FAM227A: variants seen among roughly 807,000 people sequenced by gnomAD.
FAM227A encodes the protein family with sequence similarity 227 member A, also known as protein FAM227A.
A neutral mutation model predicts 74.7 loss-of-function variants in FAM227A; 80 were observed. The observed-to-expected ratio is 1.07, with a 90% CI of 0.89 to 1.29. The LOEUF is 1.29. Ranked by LOEUF, FAM227A falls within the 50% of genes most tolerant of loss-of-function variation. The pLI is 0.00. For missense variants in FAM227A, 654 were observed against 683.4 expected (o/e 0.96, Z 0.48); for synonymous variants, 237 against 241.8 (o/e 0.98, Z 0.19).
chr22:38,645,992 C>G (rs2092229021), intron 2 of FAM227A, among the ~76,000 whole-genome samples: 1 of 151,922 alleles, frequency 6.6e-6, no homozygotes, highest in South Asian at 2.1e-4. Flanking sequence ...GCCATGTTTC[C>G]CAGGCTGATC....
In FAM227A at chr22:38,581,789, G is replaced by C. The variant is rs931323027; in HGVS notation, c.*4336C>G. The C allele has an allele frequency of 6.7e-6, 1 of 149,770 alleles. No individual in the cohort carries two copies. The highest frequency in any genetic ancestry group is 2.5e-5 in the African/African-American group (1 of 40,140). The allele number at this position is 149,770 out of a possible 1,614,324, so 9.3% of individuals were successfully genotyped here. A position where few individuals can be genotyped will look rare whatever the true frequency, so the allele number is the denominator to read the frequency against. On this transcript the variant is annotated 3_prime_UTR_variant, in exon 17 of 17. Coordinates refer to ENST00000535113, the MANE Select transcript of FAM227A (RefSeq NM_001013647.2). ...GACACAGTCTTGCTCTATCATCCAG[G>C]CTGAGTCTAGTAGCACAATCACAGC... is the stretch of plus-strand genomic sequence containing the variant.
At chr22:38,594,891 G>A (rs1357623181) in intron 15 of FAM227A, among the ~76,000 whole-genome samples, 1 of 152,144 alleles carries the variant, frequency 6.6e-6, no homozygotes, top group African/African-American at 2.4e-5. Flanking sequence ...GAGGTCAGGG[G>A]ATCGAGACCA....
In FAM227A at chr22:38,580,215, C is replaced by T. The variant is rs957375160; in HGVS notation, c.*5910G>A. On this transcript the variant is annotated 3_prime_UTR_variant, in exon 17 of 17. Coordinates refer to ENST00000535113, the MANE Select transcript of FAM227A (RefSeq NM_001013647.2). ...GATTACAGGCATGGGCCACCATGCT[C>T]GGCAACCGATGTCCTCTTTTAAGTC... 61 of 152,178 alleles carry T rather than the reference C, an allele frequency of 4.0e-4. No homozygotes were observed. The highest frequency in any genetic ancestry group is 1.4e-3 in the African/African-American group (59 of 41,422). The allele number at this position is 152,178 out of a possible 1,614,324, so 9.4% of individuals were successfully genotyped here.
chr22:38,586,322 C>T lies in FAM227A; in HGVS notation c.1639-123G>A, dbSNP rs548326826. The T allele has an allele frequency of 3.0e-5, 32 of 1,059,854 alleles. No homozygotes were observed. The African/African-American group carries it at 4.2e-4, about 14-fold the overall frequency. 65.7% of individuals were successfully genotyped at this position (1,059,854 alleles called of 1,614,324 possible). ...CCTTGTGTGCATGGAATATTGAGGG[C>T]GTGCTCCTGCCTCCAGAGAAAGTGG... On this transcript the variant is annotated intron_variant, in intron 16 of 16. Coordinates refer to ENST00000535113, the MANE Select transcript of FAM227A (RefSeq NM_001013647.2).
intron 15 of FAM227A, among the ~76,000 whole-genome samples, chr22:38,592,206 C>T (rs2090954278): frequency 6.6e-6 from 1 of 152,188 alleles, no homozygotes; most frequent in African/African-American, 2.4e-5. Context: ...CTCGGCCTCC[C>T]CAAGTGCTGG....
intron 9 of FAM227A, among the ~76,000 whole-genome samples, 193 bp from the exon 10 acceptor site, chr22:38,623,472 C>T (rs2091735456): frequency 6.6e-6 from 1 of 152,162 alleles, no homozygotes; most frequent in Non-Finnish European, 1.5e-5. Flanking sequence ...CAAAAGAGGC[C>T]TGGGGAGCCC....
chr22:38,610,212 A>T (rs1259834377), intron 11 of FAM227A, among the ~76,000 whole-genome samples: 1 of 151,768 alleles, frequency 6.6e-6, no homozygotes, highest in African/African-American at 2.4e-5. Context: ...TGGTAGAGAC[A>T]GGGAGTCTCA....
At chr22:38,587,327 A>G (rs1183441515) in intron 16 of FAM227A, among the ~76,000 whole-genome samples, 2 of 152,198 alleles carry the variant, frequency 1.3e-5, no homozygotes, top group African/African-American at 4.8e-5. Flanking sequence ...TGAAAGAAAC[A>G]AAATGTTAGT....
intron 13 of FAM227A, among the ~76,000 whole-genome samples, chr22:38,603,480 T>TC (rs1197882915): frequency 7.5e-6 from 1 of 133,510 alleles, no homozygotes; most frequent in African/African-American, 3.0e-5. Flanking sequence ...AGAGTGAGAC[T>TC]CCGTCTCAAA....
At chr22:38,610,977 T>C (rs1454664025) in intron 11 of FAM227A, among the ~76,000 whole-genome samples, 1 of 151,888 alleles carries the variant, frequency 6.6e-6, no homozygotes, top group Non-Finnish European at 1.5e-5. Context: ...GGAGAATCAT[T>C]GGAACCCGGG....
Position 38,598,070 on chromosome 22 carries a change from C to T in FAM227A, c.1380-714G>A, listed in dbSNP as rs1408556274. Among the ~76,000 whole-genome samples the T allele has an allele frequency of 7.1e-5, 9 of 127,230 alleles. No individual in the cohort carries two copies. In the East Asian group the frequency reaches 2.1e-3, roughly 30 times the overall value. The allele number at this position is 127,230 out of a possible 152,430, so 83.5% of individuals were successfully genotyped here. A position where few individuals can be genotyped will look rare whatever the true frequency, so the allele number is the denominator to read the frequency against. On this transcript the variant is annotated intron_variant, in intron 14 of 16. Transcript: ENST00000535113. ...AAAAAAAAAAAAAAAAGAAAATTCT[C>T]CCTCTGCTCTGCCCTCCTTCCACCC...
chr22:38,638,641 A>G (rs954616940), intron 5 of FAM227A, 105 bp downstream of exon 5: 3 of 836,420 alleles, frequency 3.6e-6, no homozygotes, highest in African/African-American at 1.7e-5. Flanking sequence ...TTTTTCCTTC[A>G]TAATCACTAC....
At chr22:38,619,870 T>C (rs144970625) in intron 11 of FAM227A, among the ~76,000 whole-genome samples, 168 of 152,158 alleles carry the variant, frequency 1.1e-3, no homozygotes, top group Non-Finnish European at 1.6e-3. Flanking sequence ...AAAGTACGTA[T>C]CAGGGATGAC....
chr22:38,634,657 A>G (rs997876999), intron 6 of FAM227A, among the ~76,000 whole-genome samples: 1 of 152,150 alleles, frequency 6.6e-6, no homozygotes, highest in Admixed American at 6.5e-5. Context: ...TGTGGTGAGC[A>G]TCTTTGTACA....
intron 11 of FAM227A, among the ~76,000 whole-genome samples, chr22:38,617,512 G>A (rs2091603692): frequency 6.6e-6 from 1 of 152,086 alleles, no homozygotes; most frequent in Admixed American, 6.6e-5. Context: ...AGCTAAGATG[G>A]TCTCGATCTC....
Position 38,599,927 on chromosome 22 carries a change from G to A in FAM227A, c.1222-6C>T, listed in dbSNP as rs1181311765. On this transcript the variant is annotated splice_region_variant and splice_polypyrimidine_tract_variant and intron_variant, in intron 13 of 16. Transcript: ENST00000535113. ...CTTTTGCAGGCAGCACACGACTAAG[G>A]ATGAAAGAAAAAGGAAAAATAAAGG... 6.5e-7 allele frequency: 1 copy of A among 1,528,912 alleles called. No individual in the cohort carries two copies. Among genetic ancestry groups the A allele is most frequent in the South Asian group, 1.2e-5 (1 of 80,692 alleles). 94.7% of individuals were successfully genotyped at this position (1,528,912 alleles called of 1,614,324 possible).
chr22:38,600,316 G>GTATATA (rs60675971), intron 13 of FAM227A, among the ~76,000 whole-genome samples: 61 of 147,562 alleles, frequency 4.1e-4, no homozygotes, highest in African/African-American at 8.4e-4. Flanking sequence ...GTGTATGTAT[G>GTATATA]TATATATATA....
chr22:38,631,056 C>T (rs1384694836), intron 6 of FAM227A, among the ~76,000 whole-genome samples: 1 of 152,008 alleles, frequency 6.6e-6, no homozygotes, highest in Non-Finnish European at 1.5e-5. Context: ...TAATCCCAGG[C>T]CCTTGAGAGG....
In FAM227A at chr22:38,578,201, G is replaced by A. The variant is rs1489558483; in HGVS notation, c.*7924C>T. The A allele has an allele frequency of 6.6e-6, 1 of 152,080 alleles. No homozygotes were observed. The highest frequency in any genetic ancestry group is 2.4e-5 in the African/African-American group (1 of 41,390). 9.4% of individuals were successfully genotyped at this position (152,080 alleles called of 1,614,324 possible). ...GACTGGCAGGCAACACAGTACATTT[G>A]TTCACACCAACATCACCACAAACAC... On this transcript the variant is annotated 3_prime_UTR_variant, in exon 17 of 17. Transcript: ENST00000535113.
Sources: allele counts gnomAD v4.1 joint callset (sites outside exome capture counted in the v4.1 genomes callset), GRCh38; gene constraint gnomAD v4.1.1; transcripts MANE v1.5; gene names NCBI Gene and HGNC (gene_info 2026-07-23, HGNC 2026-07-21).